NDST3: variants seen among roughly 807,000 people sequenced by gnomAD.
The protein encoded by NDST3 is bifunctional heparan sulfate N-deacetylase/N-sulfotransferase 3.
Under a neutral mutation model 96.1 loss-of-function variants are expected in NDST3, and 58 were observed. The observed-to-expected ratio is 0.60, with a 90% CI of 0.49 to 0.75. NDST3 has a LOEUF of 0.75. Ranked by LOEUF, NDST3 falls within the 30% of genes least tolerant of loss-of-function variation. The probability of loss-of-function intolerance (pLI) is 0.00; values close to 1 mark genes in which losing one functional copy is unlikely to be tolerated. For synonymous variants in NDST3, 333 were observed against 359.7 expected (o/e 0.93, Z 0.84); for missense variants, 788 against 1,034.2 (o/e 0.76, Z 3.27).
At chr4:118,124,517 C>T (rs1209945495) in intron 4 of NDST3, among the ~76,000 whole-genome samples, 3 of 152,038 alleles carry the variant, frequency 2.0e-5, no homozygotes, top group African/African-American at 7.2e-5. Flanking sequence ...GCATAACCTG[C>T]TAGGGTCCTG....
chr4:118,131,755 T>G (rs1412151396), intron 4 of NDST3, among the ~76,000 whole-genome samples: 3 of 152,078 alleles, frequency 2.0e-5, no homozygotes, highest in Non-Finnish European at 2.9e-5. Context: ...TTTTCAGATA[T>G]TTGAAGCTGC....
At chr4:118,101,008 T>C (rs1729720249) in intron 2 of NDST3, among the ~76,000 whole-genome samples, 2 of 152,138 alleles carry the variant, frequency 1.3e-5, no homozygotes, top group Non-Finnish European at 2.9e-5. Context: ...CTATAAAATA[T>C]TAACTCTAAA....
At chr4:118,183,705 A>T (rs915769939) in intron 6 of NDST3, among the ~76,000 whole-genome samples, 5 of 152,314 alleles carry the variant, frequency 3.3e-5, no homozygotes, top group South Asian at 2.1e-4. Context: ...GTGGTTCAGG[A>T]TCTCACTCTG....
intron 1 of NDST3, among the ~76,000 whole-genome samples, chr4:118,036,254 T>C (rs1724144191): frequency 6.6e-6 from 1 of 152,182 alleles, no homozygotes; most frequent in African/African-American, 2.4e-5. Context: ...TGATTGAGTT[T>C]CAGCTGCTTT....
At chr4:118,227,138 C>T (rs1375964349) in intron 8 of NDST3, among the ~76,000 whole-genome samples, 156 bp downstream of exon 8, 3 of 151,908 alleles carry the variant, frequency 2.0e-5, no homozygotes, top group African/African-American at 7.3e-5. Flanking sequence ...AGTAATATAC[C>T]TAAATGCTTA....
intron 6 of NDST3, among the ~76,000 whole-genome samples, chr4:118,187,395 T>C (rs1459684801): frequency 6.6e-6 from 1 of 152,202 alleles, no homozygotes; most frequent in Non-Finnish European, 1.5e-5. Context: ...ATCTAACAAA[T>C]GATATCCATC....
chr4:118,194,061 C>T lies in NDST3; in HGVS notation c.1540-30430C>T, dbSNP rs1737501415. The T allele has an allele frequency of 2.1e-6, 3 of 1,450,394 alleles. No homozygotes were observed. The African/African-American group carries it at 4.3e-5, about 21-fold the overall frequency. 89.8% of individuals were successfully genotyped at this position (1,450,394 alleles called of 1,614,324 possible). ...AGGTGTAATTCATATTTCAGCTAGG[C>T]ATTTGGTGGGATTTGGAACTTTTCC... is the stretch of plus-strand genomic sequence containing the variant. On this transcript the variant is annotated intron_variant, in intron 6 of 13. Coordinates refer to ENST00000296499, the MANE Select transcript of NDST3 (RefSeq NM_004784.3).
intron 6 of NDST3, among the ~76,000 whole-genome samples, chr4:118,219,553 T>C (rs1289945073): frequency 6.6e-6 from 1 of 152,108 alleles, no homozygotes; most frequent in Non-Finnish European, 1.5e-5. Flanking sequence ...GATTAAAGAC[T>C]TAAGTGTAAA....
intron 10 of NDST3, 92 bp from the exon 11 acceptor site, chr4:118,240,432 T>C: frequency 9.0e-7 from 1 of 1,112,212 alleles, no homozygotes; most frequent in South Asian, 2.5e-5. Flanking sequence ...AGGCACTTCT[T>C]TCTTTAGCTT....
intron 1 of NDST3, among the ~76,000 whole-genome samples, chr4:118,047,566 T>C (rs1724841661): frequency 6.6e-6 from 1 of 152,158 alleles, no homozygotes; most frequent in Admixed American, 6.5e-5. Flanking sequence ...ACTGAACTAC[T>C]AGAGCTGAAA....
At chr4:118,245,152 C>G (rs150523601) in intron 12 of NDST3, among the ~76,000 whole-genome samples, 6 of 152,240 alleles carry the variant, frequency 3.9e-5, no homozygotes, top group African/African-American at 1.4e-4. Flanking sequence ...AATTTGTATA[C>G]ACTAAAATGA....
intron 4 of NDST3, among the ~76,000 whole-genome samples, chr4:118,119,531 T>C (rs912283136): frequency 3.3e-5 from 5 of 152,286 alleles, no homozygotes; most frequent in African/African-American, 1.2e-4. Context: ...TAGGCCACTT[T>C]AGAGTAATTC....
At chr4:118,049,472 C>CA (rs1202577401) in intron 1 of NDST3, among the ~76,000 whole-genome samples, 1 of 151,502 alleles carries the variant, frequency 6.6e-6, no homozygotes, top group Non-Finnish European at 1.5e-5. Flanking sequence ...ACCGATAGAC[C>CA]ACTAGCTAGA....
chr4:118,077,842 G>A (rs945671012), intron 2 of NDST3, among the ~76,000 whole-genome samples: 4 of 152,146 alleles, frequency 2.6e-5, no homozygotes, highest in African/African-American at 9.6e-5. Context: ...CTTGCCTGCC[G>A]AGTTCAGGTA....
At chr4:118,206,744 C>G (rs1455522189) in intron 6 of NDST3, among the ~76,000 whole-genome samples, 2 of 143,976 alleles carry the variant, frequency 1.4e-5, no homozygotes, top group Admixed American at 6.9e-5. Flanking sequence ...CAAAAAGTAA[C>G]AAAGACTAAC....
chr4:118,186,731 A>C (rs992151532), intron 6 of NDST3, among the ~76,000 whole-genome samples: 9 of 152,178 alleles, frequency 5.9e-5, no homozygotes, highest in Admixed American at 3.9e-4. Flanking sequence ...TCAAGTTGAC[A>C]CTCAGTATTA....
intron 6 of NDST3, among the ~76,000 whole-genome samples, chr4:118,210,673 G>A (rs1738727608): frequency 6.6e-6 from 1 of 151,660 alleles, no homozygotes; most frequent in African/African-American, 2.4e-5. Context: ...CTACTCAGAA[G>A]GCTGAGGTAG....
chr4:118,085,179 A>G (rs1000655434), intron 2 of NDST3, among the ~76,000 whole-genome samples: 1 of 152,128 alleles, frequency 6.6e-6, no homozygotes, highest in African/African-American at 2.4e-5. Context: ...TAATCTTAAC[A>G]TTAGAATCAA....
At chr4:118,160,479 A>C (rs945096525) in intron 6 of NDST3, among the ~76,000 whole-genome samples, 5 of 152,156 alleles carry the variant, frequency 3.3e-5, no homozygotes, top group Non-Finnish European at 5.9e-5. Flanking sequence ...GAAAAAAAAA[A>C]AACAACTTTA....
Sources: gnomAD v4.1 joint callset for allele counts (sites outside exome capture counted in the v4.1 genomes callset) on GRCh38, gnomAD v4.1.1 for gene constraint, MANE v1.5 for transcripts, NCBI Gene and HGNC (gene_info 2026-07-23, HGNC 2026-07-21) for gene names.